LRFN5: variants seen among roughly 807,000 people sequenced by gnomAD.
LRFN5 encodes the protein leucine-rich repeat and fibronectin type-III domain-containing protein 5.
Under a neutral mutation model 45.6 loss-of-function variants are expected in LRFN5, and 24 were observed. The observed-to-expected ratio is 0.53, with a 90% confidence interval of 0.38 to 0.74. LRFN5 has a LOEUF of 0.74. Ranked by LOEUF, LRFN5 falls within the 30% of genes least tolerant of loss-of-function variation. LRFN5 has a pLI of 0.00. For synonymous variants in LRFN5, 340 were observed against 313.8 expected (o/e 1.08, Z -0.88); for missense variants, 776 against 861.5 (o/e 0.90, Z 1.24).
intron 1 of LRFN5, among the ~76,000 whole-genome samples, chr14:41,747,614 GGTTTATTGAATATGACA>G (rs1884974161): frequency 6.6e-6 from 1 of 151,922 alleles, no homozygotes; most frequent in Non-Finnish European, 1.5e-5. Flanking sequence ...ATTTAGTAAT[GGTTTATTGAATATGACA>G]GCAGAGGCAT....
intron 1 of LRFN5, among the ~76,000 whole-genome samples, chr14:41,750,967 C>G (rs1447613081): frequency 2.6e-5 from 4 of 152,128 alleles, no homozygotes; most frequent in Admixed American, 2.6e-4. Flanking sequence ...TGCTATCCCT[C>G]CCTCAGCCCC....
At chr14:41,695,322 CTTG>C (rs1211086832) in intron 1 of LRFN5, among the ~76,000 whole-genome samples, 9 of 152,014 alleles carry the variant, frequency 5.9e-5, no homozygotes, top group African/African-American at 2.2e-4. Context: ...AGCAGAAAGT[CTTG>C]TTGTAAAAGC....
At chr14:41,798,825 G>A (rs1244339571) in intron 2 of LRFN5, among the ~76,000 whole-genome samples, 1 of 151,696 alleles carries the variant, frequency 6.6e-6, no homozygotes, top group African/African-American at 2.4e-5. Flanking sequence ...TAATCACACA[G>A]GTTTTCTACT....
intron 1 of LRFN5, among the ~76,000 whole-genome samples, chr14:41,734,351 T>A (rs562001505): frequency 8.7e-6 from 1 of 114,882 alleles, no homozygotes; most frequent in Admixed American, 9.2e-5. Context: ...TATATTTAAA[T>A]TTGCTGTAAC....
intron 1 of LRFN5, among the ~76,000 whole-genome samples, chr14:41,732,306 C>T (rs2138796255): frequency 6.6e-6 from 1 of 152,234 alleles, no homozygotes; most frequent in East Asian, 1.9e-4. Flanking sequence ...GTTATTGTTT[C>T]ACCAACCCCT....
At chr14:41,802,240 A>G (rs1887359981) in intron 2 of LRFN5, among the ~76,000 whole-genome samples, 1 of 152,192 alleles carries the variant, frequency 6.6e-6, no homozygotes, top group African/African-American at 2.4e-5. Flanking sequence ...GGCTCAAGTC[A>G]GAATACAGCA....
At chr14:41,797,230 G>A (rs935425316) in intron 2 of LRFN5, among the ~76,000 whole-genome samples, 2 of 151,234 alleles carry the variant, frequency 1.3e-5, no homozygotes, top group Non-Finnish European at 3.0e-5. Flanking sequence ...TATTTATTTG[G>A]GCATTAATTT....
At chr14:41,846,666 T>A in intron 2 of LRFN5, among the ~76,000 whole-genome samples, 1 of 152,196 alleles carries the variant, frequency 6.6e-6, no homozygotes, top group East Asian at 1.9e-4. Context: ...TGTATGTTTC[T>A]GTAGCATAGA....
At chr14:41,819,962 T>G (rs1272665331) in intron 2 of LRFN5, among the ~76,000 whole-genome samples, 1 of 149,730 alleles carries the variant, frequency 6.7e-6, no homozygotes, top group African/African-American at 2.5e-5. Context: ...GTTATTTGTT[T>G]TTTTTTTTAT....
At chr14:41,893,826 A>G (rs1890858747) in intron 4 of LRFN5, 2 of 985,198 alleles carry the variant, frequency 2.0e-6, no homozygotes, top group Middle Eastern at 5.2e-4. Flanking sequence ...TCTCTTTCTA[A>G]AAAGTTTACT....
intron 1 of LRFN5, among the ~76,000 whole-genome samples, chr14:41,752,297 G>A (rs1026214770): frequency 1.3e-5 from 2 of 152,124 alleles, no homozygotes; most frequent in Non-Finnish European, 2.9e-5. Context: ...GGATGGCTGG[G>A]TCAAATGGTA....
intron 1 of LRFN5, among the ~76,000 whole-genome samples, chr14:41,746,153 CGACT>C (rs886358758): frequency 1.3e-5 from 2 of 151,864 alleles, no homozygotes; most frequent in Non-Finnish European, 2.9e-5. Context: ...GATTATATAC[CGACT>C]GACTGTGTGT....
At chr14:41,626,135 C>CT (rs1888322892) in intron 1 of LRFN5, among the ~76,000 whole-genome samples, 1 of 151,820 alleles carries the variant, frequency 6.6e-6, no homozygotes, top group Admixed American at 6.6e-5. Flanking sequence ...GAATTTGATG[C>CT]TTTTTACCTT....
At chr14:41,625,871 CT>C (rs745975547) in intron 1 of LRFN5, among the ~76,000 whole-genome samples, 2 of 152,032 alleles carry the variant, frequency 1.3e-5, no homozygotes, top group Non-Finnish European at 2.9e-5. Context: ...TATTCTGCTA[CT>C]TGATTAAATT....
intron 1 of LRFN5, among the ~76,000 whole-genome samples, chr14:41,717,929 G>A (rs1315938819): frequency 6.6e-6 from 1 of 152,080 alleles, no homozygotes; most frequent in Non-Finnish European, 1.5e-5. Context: ...CTACACCCAT[G>A]GGCTGGCTCT....
In LRFN5 at chr14:41,887,507, T is replaced by C; in HGVS notation, c.882T>C (p.His294=). 4.3e-6 allele frequency: 7 copies of C among 1,614,050 alleles called. No homozygotes were observed. The highest frequency in any genetic ancestry group is 5.9e-6 in the Non-Finnish European group (7 of 1,179,966). Residue 294 remains histidine, a synonymous_variant, in exon 3 of 6, where the codon CAT becomes CAC. Coordinates refer to ENST00000298119, the MANE Select transcript of LRFN5 (RefSeq NM_152447.5). This position sits in a 1 kb window ranked among gnomAD's most constrained non-coding sequence, Gnocchi z 4.8. ...CEPPLITRHT[H]EMRVLEGQRA... Reference sequence around the variant, plus strand: ...CTCCTCTCATTACTCGTCATACACATGAGATGAGAGTCCTGGAGGGACAAA... The same window carrying C: ...CTCCTCTCATTACTCGTCATACACACGAGATGAGAGTCCTGGAGGGACAAA...
At chr14:41,741,737 C>T (rs367761928) in intron 1 of LRFN5, among the ~76,000 whole-genome samples, 2 of 150,198 alleles carry the variant, frequency 1.3e-5, no homozygotes, top group Non-Finnish European at 3.0e-5. Flanking sequence ...GCAAAGACAA[C>T]AATTTACATA....
intron 1 of LRFN5, among the ~76,000 whole-genome samples, chr14:41,734,007 A>T (rs1430539333): frequency 6.1e-4 from 81 of 132,322 alleles, no homozygotes; most frequent in South Asian, 1.4e-3. Flanking sequence ...GTATATATAT[A>T]TTTTTTCTTT....
intron 2 of LRFN5, among the ~76,000 whole-genome samples, chr14:41,832,994 G>C (rs1888539158): frequency 6.6e-6 from 1 of 152,070 alleles, no homozygotes; most frequent in Non-Finnish European, 1.5e-5. Flanking sequence ...TTTTAGATGT[G>C]GTCCAATGGT....
Sources: allele counts gnomAD v4.1 joint callset (sites outside exome capture counted in the v4.1 genomes callset), GRCh38; gene constraint gnomAD v4.1.1; non-coding constraint Gnocchi (gnomAD v3.1); transcripts MANE v1.5; gene names NCBI Gene and HGNC (gene_info 2026-07-23, HGNC 2026-07-21).